The following FSHR variants were observed in gnomAD, a reference collection of about 807,000 sequenced individuals.
FSHR encodes the protein follicle-stimulating hormone receptor.
A neutral mutation model predicts 52.1 loss-of-function variants in FSHR; 46 were observed. The ratio of observed to expected loss-of-function variants is 0.88; its 90% confidence interval spans 0.70 to 1.13. The LOEUF is 1.13. Ranked by LOEUF, FSHR falls within the 50% of genes most tolerant of loss-of-function variation. The pLI is 0.00. For missense variants in FSHR, 964 were observed against 834.6 expected, an observed-to-expected ratio of 1.16 and a Z score of -1.91; for synonymous variants, 399 against 309.6, an observed-to-expected ratio of 1.29 and a Z score of -3.03.
In FSHR at chr2:48,965,159, G is replaced by A. The variant is rs1037658165; in HGVS notation, c.855-1193C>T. Among the ~76,000 whole-genome samples, 6 of 152,246 alleles carry A rather than the reference G, an allele frequency of 3.9e-5. No individual in the cohort carries two copies. The East Asian group carries it at 1.2e-3, about 29-fold the overall frequency. Reference sequence around the variant, plus strand: ...AACCTTCTTAAGAAGGAAAAAGGTGGCTAGGGGAGTGGAGGAGGTAAAGAC... The same window carrying A: ...AACCTTCTTAAGAAGGAAAAAGGTGACTAGGGGAGTGGAGGAGGTAAAGAC... On this transcript the variant is annotated intron_variant, in intron 9 of 9. Transcript: ENST00000406846.
At chr2:49,021,390 A>T (rs1335002270) in intron 2 of FSHR, among the ~76,000 whole-genome samples, 2 of 152,192 alleles carry the variant, frequency 1.3e-5, no homozygotes, top group African/African-American at 4.8e-5. Context: ...CCTCCTGAGG[A>T]AGACTCTTAT....
At chr2:49,099,581 C>G (rs1197280457) in intron 1 of FSHR, among the ~76,000 whole-genome samples, 1 of 152,010 alleles carries the variant, frequency 6.6e-6, no homozygotes, top group Non-Finnish European at 1.5e-5. Context: ...TTATGTCATA[C>G]TTGATTAGGG....
At chr2:48,995,570 A>G (rs1675988641) in intron 4 of FSHR, among the ~76,000 whole-genome samples, 1 of 152,050 alleles carries the variant, frequency 6.6e-6, no homozygotes, top group Non-Finnish European at 1.5e-5. Context: ...AAACATGGTA[A>G]AGAAGAAGCA....
At chr2:49,020,336 A>G (rs1244528234) in intron 2 of FSHR, among the ~76,000 whole-genome samples, 176 bp from the exon 3 acceptor site, 1 of 152,210 alleles carries the variant, frequency 6.6e-6, no homozygotes, top group Non-Finnish European at 1.5e-5. Flanking sequence ...AGAGGCTAAC[A>G]CTTACCGAAC....
chr2:49,076,386 C>A (rs966520645), intron 1 of FSHR, among the ~76,000 whole-genome samples: 1 of 152,142 alleles, frequency 6.6e-6, no homozygotes, highest in African/African-American at 2.4e-5. Flanking sequence ...TTTTTAAAAT[C>A]ATCAGATGTC....
At chr2:48,999,018 TTGTTTGTG>T (rs1368438134) in intron 4 of FSHR, among the ~76,000 whole-genome samples, 2 of 152,036 alleles carry the variant, frequency 1.3e-5, no homozygotes, top group East Asian at 3.9e-4. Flanking sequence ...TATGCTTTGT[TTGTTTGTG>T]TGTTTGTTCG....
chr2:48,991,271 A>G (rs1675763362), intron 4 of FSHR, among the ~76,000 whole-genome samples: 1 of 152,204 alleles, frequency 6.6e-6, no homozygotes, highest in African/African-American at 2.4e-5. Flanking sequence ...GAAGAAGCCT[A>G]GCTGTGGGTA....
chr2:49,119,059 C>T (rs956902065), intron 1 of FSHR, among the ~76,000 whole-genome samples: 4 of 152,194 alleles, frequency 2.6e-5, no homozygotes, highest in African/African-American at 9.7e-5. Context: ...CGTTTGGGGA[C>T]CTCCACGTTA....
intron 2 of FSHR, among the ~76,000 whole-genome samples, chr2:49,022,415 G>A (rs565270288): frequency 1.3e-5 from 2 of 152,128 alleles, no homozygotes; most frequent in East Asian, 3.9e-4. Context: ...GAGGGTTGGG[G>A]GCAGGTGAAC....
chr2:49,124,459 G>A (rs147245002), intron 1 of FSHR, among the ~76,000 whole-genome samples: 110 of 152,214 alleles, frequency 7.2e-4, no homozygotes, highest in African/African-American at 2.5e-3. Context: ...ATAAAGAGCT[G>A]TCTTTCCTAG....
intron 2 of FSHR, among the ~76,000 whole-genome samples, chr2:49,039,332 T>G (rs1485592516): frequency 6.6e-6 from 1 of 152,014 alleles, no homozygotes; most frequent in East Asian, 1.9e-4. Flanking sequence ...TACATTGATT[T>G]CTCTCTAATG....
chr2:49,102,862 T>C (rs979340739), intron 1 of FSHR, among the ~76,000 whole-genome samples: 24 of 152,268 alleles, frequency 1.6e-4, no homozygotes, highest in African/African-American at 5.5e-4. Flanking sequence ...TTGTTATTCT[T>C]TGGCATAAAG....
At chr2:49,079,514 A>C (rs1195603894) in intron 1 of FSHR, among the ~76,000 whole-genome samples, 2 of 152,172 alleles carry the variant, frequency 1.3e-5, no homozygotes, top group Non-Finnish European at 2.9e-5. Flanking sequence ...AGTTAGAGTG[A>C]TTAAAATATT....
At chr2:49,021,831 TTCTCTCTCTCTCTC>T (rs1553334822) in intron 2 of FSHR, among the ~76,000 whole-genome samples, 10 of 46,536 alleles carry the variant, frequency 2.1e-4, no homozygotes, top group Non-Finnish European at 2.7e-4. Flanking sequence ...GGGTATGTGT[TTCTCTCTCTCTCTC>T]TCTCTCTCTC....
At chr2:49,129,034 T>G (rs1039302647) in intron 1 of FSHR, among the ~76,000 whole-genome samples, 1 of 137,616 alleles carries the variant, frequency 7.3e-6, no homozygotes, top group East Asian at 2.5e-4. Context: ...CCAGATTGTT[T>G]ATCTGTTTTC....
Position 49,140,687 on chromosome 2 carries a change from G to C in FSHR, c.152+13579C>G, listed in dbSNP as rs144214726. On this transcript the variant is annotated intron_variant, in intron 1 of 9. Coordinates refer to ENST00000406846, the MANE Select transcript of FSHR (RefSeq NM_000145.4). ...TGCACTCCATCCAGCCTGGGCGACA[G>C]AGTGAGACTCCATCTCAAAAAAAGA... Among the ~76,000 whole-genome samples the C allele has an allele frequency of 5.5e-3, 835 of 151,030 alleles. 6 individuals carry two copies. The highest frequency in any genetic ancestry group is 0.019 in the African/African-American group (764 of 41,118).
intron 1 of FSHR, among the ~76,000 whole-genome samples, chr2:49,095,231 T>C (rs547533135): frequency 1.3e-5 from 2 of 152,278 alleles, no homozygotes; most frequent in African/African-American, 4.8e-5. Context: ...CAAAATTCAC[T>C]ACAGAGCTAC....
Position 48,968,854 on chromosome 2 carries a change from A to G in FSHR, c.698T>C (p.Leu233Pro). The G allele has an allele frequency of 6.2e-7, 1 of 1,613,928 alleles. No homozygotes were observed. The highest frequency in any genetic ancestry group is 8.5e-7 in the Non-Finnish European group (1 of 1,179,948). Residue 233 changes from leucine to proline, a missense_variant, in exon 9 of 10, where the codon CTG (leucine) becomes CCG (proline). Transcript: ENST00000406846. ...AAGATTTTCTAAGCCATAGCTAGGCAGGGAATGGATCCTTGTTCTTGAAAT... is the reference window on the plus strand; with the variant it reads ...AAGATTTTCTAAGCCATAGCTAGGCGGGGAATGGATCCTTGTTCTTGAAAT... ...LDISRTRIHS[L>P]PSYGLENLKK...
At chr2:49,147,521 C>T (rs980784135) in intron 1 of FSHR, among the ~76,000 whole-genome samples, 7 of 152,042 alleles carry the variant, frequency 4.6e-5, no homozygotes, top group Non-Finnish European at 8.8e-5. Context: ...TTTAGGTAAA[C>T]AAGGGGGTTT....
Sources: allele counts gnomAD v4.1 joint callset (sites outside exome capture counted in the v4.1 genomes callset), GRCh38; gene constraint gnomAD v4.1.1; transcripts MANE v1.5; gene names NCBI Gene and HGNC (gene_info 2026-07-23, HGNC 2026-07-21).